Variants in RTN4RL1 observed in about 807,000 individuals in gnomAD.
RTN4RL1 encodes reticulon-4 receptor-like 1.
RTN4RL1 carries 7 observed loss-of-function variants against 25.6 expected under a neutral mutation model. The ratio of observed to expected loss-of-function variants is 0.27; its 90% confidence interval spans 0.16 to 0.51. The LOEUF (loss-of-function observed/expected upper bound fraction) is 0.51. Among genes scored for constraint, RTN4RL1 ranks in the 20% least tolerant of loss-of-function variants. RTN4RL1 has a pLI of 0.97. For missense variants in RTN4RL1, 500 were observed against 615.6 expected (o/e 0.81, Z 1.99); for synonymous variants, 297 against 288.2 (o/e 1.03, Z -0.31).
intron 1 of RTN4RL1, among the ~76,000 whole-genome samples, chr17:1,985,543 G>A (rs187105896): frequency 1.3e-5 from 2 of 152,272 alleles, no homozygotes; most frequent in African/African-American, 4.8e-5. Flanking sequence ...AACATAAACC[G>A]GGTTTACATT....
chr17:1,941,599 C>T (rs1473441075), intron 1 of RTN4RL1, among the ~76,000 whole-genome samples: 2 of 152,094 alleles, frequency 1.3e-5, no homozygotes, highest in South Asian at 2.1e-4. Context: ...CCTCGGGGGC[C>T]AGGCGGTGGG....
At chr17:1,945,598 A>C (rs1356838828) in intron 1 of RTN4RL1, among the ~76,000 whole-genome samples, 2 of 151,260 alleles carry the variant, frequency 1.3e-5, no homozygotes, top group South Asian at 2.1e-4. Context: ...CAATCCTCCC[A>C]CCTGGGCCTC....
chr17:1,992,829 C>A (rs1216365495), intron 1 of RTN4RL1, among the ~76,000 whole-genome samples: 1 of 152,246 alleles, frequency 6.6e-6, no homozygotes, highest in Non-Finnish European at 1.5e-5. Flanking sequence ...GTGTCCTACG[C>A]CTGCTGACGA....
chr17:2,012,966 G>GT (rs2151327034), intron 1 of RTN4RL1, among the ~76,000 whole-genome samples: 1 of 152,118 alleles, frequency 6.6e-6, no homozygotes, highest in South Asian at 2.1e-4. Flanking sequence ...ACTAAATTTT[G>GT]TATTTTTAGC....
intron 1 of RTN4RL1, among the ~76,000 whole-genome samples, chr17:1,955,950 A>G (rs1874309230): frequency 6.6e-6 from 1 of 152,150 alleles, no homozygotes; most frequent in Non-Finnish European, 1.5e-5. Flanking sequence ...AAAAATCACT[A>G]CAGTCCCATT....
intron 1 of RTN4RL1, among the ~76,000 whole-genome samples, chr17:1,980,230 AT>A (rs34130716): frequency 0.12 from 15,293 of 126,306 alleles, 998 homozygotes; most frequent in African/African-American, 0.15. Flanking sequence ...CGCTCAGCTA[AT>A]TTTTTTTTTT....
intron 1 of RTN4RL1, among the ~76,000 whole-genome samples, chr17:1,973,589 C>T (rs1342384669): frequency 6.6e-6 from 1 of 151,752 alleles, no homozygotes; most frequent in East Asian, 1.9e-4. Flanking sequence ...TCCACCCAAA[C>T]TAGGTCATGA....
intron 1 of RTN4RL1, among the ~76,000 whole-genome samples, chr17:1,980,953 G>T (rs930224706): frequency 3.3e-5 from 4 of 119,528 alleles, no homozygotes; most frequent in Admixed American, 8.0e-5. Flanking sequence ...AAAAGAAGTG[G>T]AGCAGAGTTT....
rs2067257102 is a variant in RTN4RL1, at chr17:2,025,301, AGCGCCCGGC to A, written c.-445_-437del. 1 of 154,888 alleles carries A rather than the reference AGCGCCCGGC, an allele frequency of 6.5e-6. No individual in the cohort carries two copies. Among genetic ancestry groups the A allele is most frequent in the African/African-American group, 2.4e-5 (1 of 41,434 alleles). 9.6% of individuals were successfully genotyped at this position (154,888 alleles called of 1,614,324 possible). On this transcript the variant is annotated 5_prime_UTR_variant, in exon 1 of 2. Coordinates refer to ENST00000331238, the MANE Select transcript of RTN4RL1 (RefSeq NM_178568.4). This position sits in a 1 kb window ranked among gnomAD's most constrained non-coding sequence, Gnocchi z 4.8. ...GCACGCACCGCCGAGCTCCGGGGAA[AGCGCCCGGC>A]GCGCGTTTGCAGGACCGAGCGATCG... is the stretch of plus-strand genomic sequence containing the variant.
In RTN4RL1 at chr17:1,935,626, C is replaced by T; in HGVS notation, c.*870G>A. 1.0e-6 allele frequency: 1 copy of T among 980,570 alleles called. No homozygotes were observed. The allele number at this position is 980,570 out of a possible 1,614,324, so 60.7% of individuals were successfully genotyped here. A position where few individuals can be genotyped will look rare whatever the true frequency, so the allele number is the denominator to read the frequency against. The stretch of plus-strand genomic sequence containing the variant: ...GAAATCACCAATACAATCCTTAGTT[C>T]AGCAAATACAGTTTTCTGTATAGTT... On this transcript the variant is annotated 3_prime_UTR_variant, in exon 2 of 2. Coordinates refer to ENST00000331238, the MANE Select transcript of RTN4RL1 (RefSeq NM_178568.4).
intron 1 of RTN4RL1, among the ~76,000 whole-genome samples, chr17:1,961,174 A>G (rs1042954423): frequency 2.6e-5 from 4 of 152,232 alleles, no homozygotes; most frequent in African/African-American, 9.6e-5. Context: ...ACTCGGATGA[A>G]GCCATCTACA....
At chr17:1,959,398 G>T (rs1051265790) in intron 1 of RTN4RL1, among the ~76,000 whole-genome samples, 3 of 152,076 alleles carry the variant, frequency 2.0e-5, no homozygotes, top group Non-Finnish European at 2.9e-5. Flanking sequence ...TCTCTTCAGA[G>T]ACCTGGCTCT....
At chr17:1,992,657 T>C (rs1474823652) in intron 1 of RTN4RL1, among the ~76,000 whole-genome samples, 1 of 152,246 alleles carries the variant, frequency 6.6e-6, no homozygotes, top group Admixed American at 6.5e-5. Flanking sequence ...AAGAGTCCAG[T>C]TGATTCAAAG....
intron 1 of RTN4RL1, among the ~76,000 whole-genome samples, chr17:1,978,214 C>G (rs1028099553): frequency 1.4e-4 from 22 of 152,212 alleles, no homozygotes. Flanking sequence ...TGTCTCCAGG[C>G]GTCGCATCAC....
chr17:1,997,476 T>C (rs1157694039), intron 1 of RTN4RL1, among the ~76,000 whole-genome samples: 2 of 152,248 alleles, frequency 1.3e-5, no homozygotes, highest in African/African-American at 4.8e-5. Flanking sequence ...ACTGTCGCTC[T>C]CTGGAATGCG....
chr17:1,986,727 C>A (rs1195937099), intron 1 of RTN4RL1, among the ~76,000 whole-genome samples: 1 of 147,712 alleles, frequency 6.8e-6, no homozygotes, highest in Non-Finnish European at 1.5e-5. Flanking sequence ...TTTAAACTAA[C>A]GAGTTTGTTG....
chr17:2,010,184 C>T (rs1216907764), intron 1 of RTN4RL1, among the ~76,000 whole-genome samples: 2 of 127,808 alleles, frequency 1.6e-5, no homozygotes, highest in South Asian at 5.7e-4. Context: ...TAGCCAGGCG[C>T]GGTAGCTCAC....
rs145415299 is a variant in RTN4RL1, at chr17:1,936,203, G to A, written c.*293C>T. ...GGGCAATTGTCCCACTGTTGCCAGT[G>A]GAGGATGCACTTGGAGTGCCTTTTC... On this transcript the variant is annotated 3_prime_UTR_variant, in exon 2 of 2. Transcript: ENST00000331238. The A allele has an allele frequency of 2.1e-4, 256 of 1,236,462 alleles. No homozygotes were observed. In the East Asian group the frequency reaches 8.4e-3, roughly 41 times the overall value. The allele number at this position is 1,236,462 out of a possible 1,614,324, so 76.6% of individuals were successfully genotyped here.
intron 1 of RTN4RL1, among the ~76,000 whole-genome samples, chr17:1,952,839 G>T (rs1915711987): frequency 6.6e-6 from 1 of 151,752 alleles, no homozygotes; most frequent in Non-Finnish European, 1.5e-5. Context: ...CACTTTGGGA[G>T]GCTGAGGGGG....
Sources: gnomAD v4.1 joint callset for allele counts (sites outside exome capture counted in the v4.1 genomes callset) on GRCh38, gnomAD v4.1.1 for gene constraint, Gnocchi (gnomAD v3.1) non-coding constraint, MANE v1.5 for transcripts, NCBI Gene and HGNC (gene_info 2026-07-23, HGNC 2026-07-21) for gene names.